Variants in ARHGAP1 observed in about 807,000 individuals in gnomAD.
ARHGAP1 encodes rho GTPase-activating protein 1.
A neutral mutation model predicts 52.2 loss-of-function variants in ARHGAP1; 23 were observed. The ratio of observed to expected loss-of-function variants is 0.44; its 90% CI spans 0.32 to 0.62. ARHGAP1 has a LOEUF of 0.62. Among genes scored for constraint, ARHGAP1 ranks in the 20% least tolerant of loss-of-function variants. ARHGAP1 has a pLI of 0.05. For synonymous variants in ARHGAP1, 210 were observed against 228.4 expected, an observed-to-expected ratio of 0.92 and a Z score of 0.73; for missense variants, 480 against 560.9, an observed-to-expected ratio of 0.86 and a Z score of 1.46.
At chr11:46,682,009 T>G in intron 5 of ARHGAP1, 42 bp downstream of exon 5, 3 of 1,610,104 alleles carry the variant, frequency 1.9e-6, no homozygotes, top group Middle Eastern at 3.7e-4. Flanking sequence ...GCAGAGCCGC[T>G]GCCTCTGGAT....
chr11:46,695,390 G>A, intron 3 of ARHGAP1: 1 of 504,420 alleles, frequency 2.0e-6, no homozygotes, highest in Admixed American at 2.6e-5. Context: ...ACTTATTCAA[G>A]GCCAACTGTG....
intron 4 of ARHGAP1, among the ~76,000 whole-genome samples, chr11:46,685,832 T>C (rs951727747): frequency 1.3e-5 from 2 of 149,504 alleles, no homozygotes; most frequent in South Asian, 2.1e-4. Context: ...GCACATGCCA[T>C]CATGCCCAGC....
In ARHGAP1 at chr11:46,696,334, G is replaced by A. The variant is rs1012955156; in HGVS notation, c.-49-178C>T. On this transcript the variant is annotated intron_variant, in intron 1 of 12. Coordinates refer to ENST00000311956, the MANE Select transcript of ARHGAP1 (RefSeq NM_004308.5). The surrounding 1 kb of genome is among the most constrained non-coding windows in gnomAD (Gnocchi z 4.8). ...AGCTCTGGGTTCTCCTGGCTCCGTG[G>A]CTCAGGCGTGTTGCCAGAAAAGGCA... is the stretch of plus-strand genomic sequence containing the variant. 1.3e-4 allele frequency among the ~76,000 whole-genome samples: 20 copies of A among 152,108 alleles called. No homozygotes were observed. The highest frequency in any genetic ancestry group is 4.8e-4 in the African/African-American group (20 of 41,424).
rs1351891321 is a variant in ARHGAP1, at chr11:46,688,189, G to A, written c.301C>T (p.His101Tyr). 6.2e-7 allele frequency: 1 copy of A among 1,613,894 alleles called. No individual in the cohort carries two copies. Among genetic ancestry groups the A allele is most frequent in the African/African-American group, 1.3e-5 (1 of 75,054 alleles). Reference sequence around the variant, plus strand: ...GGTACTCACCCCAGGAGCTTGCTGTGGTCGAGCTGGTGGCTGGGGGGCATT... The same window carrying A: ...GGTACTCACCCCAGGAGCTTGCTGTAGTCGAGCTGGTGGCTGGGGGGCATT... ...CRMPPSHQLD[H>Y]SKLLGYLKHT... The change falls in exon 4 of 13, where the codon CAC (histidine) becomes TAC (tyrosine). Residue 101 changes from histidine (H) to tyrosine (Y), a missense_variant. Transcript: ENST00000311956.
rs193081745 is a variant in ARHGAP1, at chr11:46,682,006, C to T, written c.449+45G>A. 2.9e-5 allele frequency: 46 copies of T among 1,609,492 alleles called. No individual in the cohort carries two copies. In the Admixed American group the frequency reaches 5.5e-4, roughly 19 times the overall value. On this transcript the variant is annotated intron_variant, in intron 5 of 12. Coordinates refer to ENST00000311956, the MANE Select transcript of ARHGAP1 (RefSeq NM_004308.5). ...AGGGCAGCCCGGAAGCTGGCAGAGC[C>T]GCTGCCTCTGGATCTGACTGTGCAG...
rs905312083 is a variant in ARHGAP1, at chr11:46,681,117, T to G, written c.537-8A>C. On this transcript the variant is annotated splice_polypyrimidine_tract_variant and splice_region_variant and intron_variant, in intron 6 of 12. Coordinates refer to ENST00000311956, the MANE Select transcript of ARHGAP1 (RefSeq NM_004308.5). This position sits in a 1 kb window ranked among gnomAD's most constrained non-coding sequence, Gnocchi z 5.7. ...TTCTGCCCGAACTTGAAGCTGTTGG[T>G]GGAAGAAAGGGCCTGGGTTGTGGGG... is the stretch of plus-strand genomic sequence containing the variant. 1.1e-5 allele frequency: 17 copies of G among 1,613,334 alleles called. No individual in the cohort carries two copies. Among genetic ancestry groups the G allele is most frequent in the Non-Finnish European group, 1.4e-5 (16 of 1,179,390 alleles).
At position 46,688,272 on chromosome 11, in the gene ARHGAP1, G is replaced by A. The variant is rs1238784791; in HGVS notation, c.230-12C>T. On this transcript the variant is annotated splice_polypyrimidine_tract_variant and intron_variant, in intron 3 of 12. Coordinates refer to ENST00000311956, the MANE Select transcript of ARHGAP1 (RefSeq NM_004308.5). ...ATACTTGTCATCTCCTAGGTGTGGA[G>A]AAAGATGGAGCACAGTGGGTTGAAG... 6.2e-7 allele frequency: 1 copy of A among 1,610,880 alleles called. No homozygotes were observed. The highest frequency in any genetic ancestry group is 8.5e-7 in the Non-Finnish European group (1 of 1,177,846).
chr11:46,678,107 C>T lies in ARHGAP1; in HGVS notation c.*930G>A. On this transcript the variant is annotated 3_prime_UTR_variant, in exon 13 of 13. Transcript: ENST00000311956. ...AGAGTCCCCCAGCTGGAGGAAGGAG[C>T]CATAAGATCCTGAGGCACTGAGTCA... The T allele has an allele frequency of 3.3e-6, 1 of 303,426 alleles. No individual in the cohort carries two copies. Among genetic ancestry groups the T allele is most frequent in the Non-Finnish European group, 6.5e-6 (1 of 153,908 alleles). The allele number at this position is 303,426 out of a possible 1,614,324, so 18.8% of individuals were successfully genotyped here. A position where few individuals can be genotyped will look rare whatever the true frequency, so the allele number is the denominator to read the frequency against.
At chr11:46,697,868 A>G (rs1230753251) in intron 1 of ARHGAP1, among the ~76,000 whole-genome samples, 1 of 151,746 alleles carries the variant, frequency 6.6e-6, no homozygotes, top group Non-Finnish European at 1.5e-5. Flanking sequence ...CAACCCTTCA[A>G]CCCTTCAACC....
At chr11:46,683,936 G>A (rs1395358020) in intron 4 of ARHGAP1, among the ~76,000 whole-genome samples, 2 of 152,190 alleles carry the variant, frequency 1.3e-5, no homozygotes, top group Non-Finnish European at 2.9e-5. Context: ...CACTGCGCCC[G>A]GCCATAGAGC....
rs2064514983 is a variant in ARHGAP1, at chr11:46,680,337, C to T, written c.821-55G>A. 1.9e-6 allele frequency: 3 copies of T among 1,599,104 alleles called. No homozygotes were observed. Among genetic ancestry groups the T allele is most frequent in the Non-Finnish European group, 2.6e-6 (3 of 1,166,928 alleles). Reference sequence around the variant, plus strand: ...CGAGCGCTGGGCACCGGCTGGATTCCCTGCCCCTTCTCTGTCTTGGGGTTC... The same window carrying T: ...CGAGCGCTGGGCACCGGCTGGATTCTCTGCCCCTTCTCTGTCTTGGGGTTC... On this transcript the variant is annotated intron_variant, in intron 9 of 12. Transcript: ENST00000311956. The surrounding 1 kb of genome is among the most constrained non-coding windows in gnomAD (Gnocchi z 5.9).
intron 3 of ARHGAP1, among the ~76,000 whole-genome samples, chr11:46,692,524 CT>C (rs2064621749): frequency 6.6e-6 from 1 of 152,118 alleles, no homozygotes; most frequent in Non-Finnish European, 1.5e-5. Context: ...GAGGTAGCAA[CT>C]GGTTAGGGAA....
chr11:46,691,120 C>T (rs2064611301), intron 3 of ARHGAP1, among the ~76,000 whole-genome samples: 1 of 152,158 alleles, frequency 6.6e-6, no homozygotes, highest in Admixed American at 6.6e-5. Flanking sequence ...ACTCCTGCCT[C>T]AGCTTTCCAG....
Position 46,684,119 on chromosome 11 carries a change from C to T in ARHGAP1, c.318-1937G>A, listed in dbSNP as rs564047746. Among the ~76,000 whole-genome samples the T allele has an allele frequency of 1.4e-4, 21 of 152,258 alleles. No homozygotes were observed. In the East Asian group the frequency reaches 4.1e-3, roughly 29 times the overall value. On this transcript the variant is annotated intron_variant, in intron 4 of 12. Coordinates refer to ENST00000311956, the MANE Select transcript of ARHGAP1 (RefSeq NM_004308.5). Reference sequence around the variant, plus strand: ...CAGACAGAGTATGCTCAAGACTGGCCCGTGGGTGCCAGGCTGGGCCAGCAC... The same window carrying T: ...CAGACAGAGTATGCTCAAGACTGGCTCGTGGGTGCCAGGCTGGGCCAGCAC...
intron 3 of ARHGAP1, among the ~76,000 whole-genome samples, chr11:46,694,671 T>C (rs974101443): frequency 6.6e-6 from 1 of 152,118 alleles, no homozygotes. Context: ...CGTGCCCAAT[T>C]CAGGACCAGA....
At chr11:46,695,900 G>T (rs766923183) in intron 2 of ARHGAP1, 75 bp downstream of exon 2, 1 of 1,609,374 alleles carries the variant, frequency 6.2e-7, no homozygotes, top group Non-Finnish European at 8.5e-7. Context: ...TGCCCTCCTG[G>T]CGTCTCCCTT....
At position 46,678,889 on chromosome 11, in the gene ARHGAP1, G is replaced by A. The variant is rs1001121527; in HGVS notation, c.*148C>T. The A allele has an allele frequency of 1.8e-5, 16 of 911,158 alleles. No individual in the cohort carries two copies. The highest frequency in any genetic ancestry group is 5.8e-5 in the Admixed American group (2 of 34,600). 56.4% of individuals were successfully genotyped at this position (911,158 alleles called of 1,614,324 possible). ...TGGTAACAGCGAGGCCGCCAGGGCC[G>A]TGAGGCGGGCTGGACAGAGGTGGGG... On this transcript the variant is annotated 3_prime_UTR_variant, in exon 13 of 13. Coordinates refer to ENST00000311956, the MANE Select transcript of ARHGAP1 (RefSeq NM_004308.5).
Position 46,680,301 on chromosome 11 carries a change from T to C in ARHGAP1, c.821-19A>G. ...GTGAGAGCTGGGAAACAGTAGGGCC[T>C]GGTGAGCCTCCGAGCGCTGGGCACC... On this transcript the variant is annotated intron_variant, in intron 9 of 12. Transcript: ENST00000311956. The surrounding 1 kb of genome is among the most constrained non-coding windows in gnomAD (Gnocchi z 5.9). 6.2e-7 allele frequency: 1 copy of C among 1,613,676 alleles called. No homozygotes were observed. Among genetic ancestry groups the C allele is most frequent in the South Asian group, 1.1e-5 (1 of 91,066 alleles).
chr11:46,695,553 G>C (rs1592392814), intron 3 of ARHGAP1, 107 bp downstream of exon 3: 1 of 1,211,576 alleles, frequency 8.3e-7, no homozygotes, highest in East Asian at 2.6e-5. Context: ...AGGAGCACCA[G>C]GGCCAGCGGT....
Sources: gnomAD v4.1 joint callset for allele counts (sites outside exome capture counted in the v4.1 genomes callset) on GRCh38, gnomAD v4.1.1 for gene constraint, Gnocchi (gnomAD v3.1) non-coding constraint, MANE v1.5 for transcripts, NCBI Gene and HGNC (gene_info 2026-07-23, HGNC 2026-07-21) for gene names.